Variants in CWC27 observed in about 807,000 individuals in gnomAD.
CWC27 encodes the protein CWC27 spliceosome associated cyclophilin, also known as spliceosome-associated protein CWC27 homolog.
In CWC27, 47 loss-of-function variants were observed where a neutral mutation model predicts 63.6. The ratio of observed to expected loss-of-function variants is 0.74; its 90% CI spans 0.58 to 0.94. The LOEUF (loss-of-function observed/expected upper bound fraction) is 0.94. CWC27 is among the 40% of genes least tolerant of loss of function. CWC27 has a pLI of 0.00. For synonymous variants in CWC27, 175 were observed against 179.8 expected (o/e 0.97, Z 0.22); for missense variants, 495 against 554.3 (o/e 0.89, Z 1.07).
intron 2 of CWC27, among the ~76,000 whole-genome samples, chr5:64,775,933 G>T (rs999180481): frequency 6.6e-6 from 1 of 152,002 alleles, no homozygotes; most frequent in Non-Finnish European, 1.5e-5. Context: ...CAGAAGCAAG[G>T]TGTGAAAGAG....
intron 11 of CWC27, among the ~76,000 whole-genome samples, chr5:64,912,437 G>A (rs1270460522): frequency 1.3e-5 from 2 of 152,104 alleles, no homozygotes; most frequent in Non-Finnish European, 2.9e-5. Flanking sequence ...TTTTTACAAG[G>A]TGTTCAAAGG....
chr5:64,812,685 T>G (rs1158406023), intron 10 of CWC27, among the ~76,000 whole-genome samples: 2 of 152,156 alleles, frequency 1.3e-5, no homozygotes, highest in Non-Finnish European at 2.9e-5. Context: ...AATCATTCTA[T>G]TCTCAAATAT....
chr5:64,981,805 A>G (rs1011871092), intron 13 of CWC27, among the ~76,000 whole-genome samples: 20 of 152,250 alleles, frequency 1.3e-4, no homozygotes, highest in Non-Finnish European at 2.5e-4. Context: ...TCTGTTTTTC[A>G]TAAAACTATA....
At chr5:64,946,789 A>T (rs558356715) in intron 11 of CWC27, among the ~76,000 whole-genome samples, 28 of 151,868 alleles carry the variant, frequency 1.8e-4, no homozygotes, top group African/African-American at 6.8e-4. Context: ...TTGGCATCCT[A>T]GGTTAAAGGT....
intron 7 of CWC27, among the ~76,000 whole-genome samples, chr5:64,792,584 GC>G (rs1199460084): frequency 6.6e-6 from 1 of 151,772 alleles, no homozygotes; most frequent in African/African-American, 2.4e-5. Context: ...CTGTACATTT[GC>G]CTTTTAAACA....
At chr5:64,994,219 G>A (rs1318117928) in intron 13 of CWC27, among the ~76,000 whole-genome samples, 1 of 152,046 alleles carries the variant, frequency 6.6e-6, no homozygotes, top group Non-Finnish European at 1.5e-5. Context: ...CTTTTCCCAA[G>A]AACAGAATCA....
At chr5:64,784,268 A>C (rs1200738310) in intron 4 of CWC27, among the ~76,000 whole-genome samples, 1 of 152,206 alleles carries the variant, frequency 6.6e-6, no homozygotes, top group Non-Finnish European at 1.5e-5. Context: ...CCACTTAGCC[A>C]ATATTGATTT....
At chr5:64,773,933 C>A (rs1743350244) in intron 1 of CWC27, 1 of 151,920 alleles carries the variant, frequency 6.6e-6, no homozygotes, top group African/African-American at 2.4e-5. Context: ...AATCACAAGC[C>A]AGAATTAGAT....
chr5:64,840,866 G>C (rs1355887674), intron 10 of CWC27, among the ~76,000 whole-genome samples: 1 of 152,088 alleles, frequency 6.6e-6, no homozygotes, highest in African/African-American at 2.4e-5. Flanking sequence ...AGGGGTAAGG[G>C]GACTGGATAC....
At chr5:64,891,513 G>A (rs11746657) in intron 11 of CWC27, among the ~76,000 whole-genome samples, 55,343 of 151,938 alleles carry the variant, frequency 0.36, 10,666 homozygotes, top group East Asian at 0.52. Context: ...ATTACATGAA[G>A]AATTTAATCT....
At chr5:64,879,796 A>AG (rs1397529835) in intron 10 of CWC27, among the ~76,000 whole-genome samples, 1 of 151,532 alleles carries the variant, frequency 6.6e-6, no homozygotes, top group Non-Finnish European at 1.5e-5. Context: ...GTTGCAAAAA[A>AG]AAAAAATGGA....
chr5:64,954,090 A>C (rs1448909158), intron 11 of CWC27, among the ~76,000 whole-genome samples: 3 of 152,236 alleles, frequency 2.0e-5, no homozygotes, highest in Non-Finnish European at 4.4e-5. Flanking sequence ...CTGGACATAA[A>C]ATAGTAAATA....
At chr5:64,779,062 A>G (rs893881936) in intron 2 of CWC27, among the ~76,000 whole-genome samples, 14 of 152,220 alleles carry the variant, frequency 9.2e-5, no homozygotes, top group African/African-American at 2.9e-4. Flanking sequence ...CAGTAACTGT[A>G]TCAGTAAAAT....
chr5:64,912,787 T>C (rs1747817877), intron 11 of CWC27, among the ~76,000 whole-genome samples: 2 of 152,136 alleles, frequency 1.3e-5, no homozygotes, highest in Non-Finnish European at 2.9e-5. Flanking sequence ...AAGACTAATC[T>C]AAGAAGAAAT....
rs1399829624 is a variant in CWC27 at position 64,905,902 on chromosome 5, C to T, written c.1042+20356C>T. ...GTCCAAGTGTTCTCATTGTTCAATT[C>T]CCACCTATGAGTGAGAACATGCGGT... On this transcript the variant is annotated intron_variant, in intron 11 of 13. Coordinates refer to ENST00000381070, the MANE Select transcript of CWC27 (RefSeq NM_005869.4). 3.9e-5 allele frequency among the ~76,000 whole-genome samples: 6 copies of T among 152,234 alleles called. No individual in the cohort carries two copies. In the East Asian group the frequency reaches 5.8e-4, roughly 15 times the overall value.
intron 10 of CWC27, among the ~76,000 whole-genome samples, chr5:64,833,535 G>T (rs967765705): frequency 6.6e-6 from 1 of 151,728 alleles, no homozygotes; most frequent in Non-Finnish European, 1.5e-5. Flanking sequence ...TTGCACTTCA[G>T]TGTTAAGTGA....
At chr5:64,822,674 T>C (rs1264967732) in intron 10 of CWC27, among the ~76,000 whole-genome samples, 1 of 152,212 alleles carries the variant, frequency 6.6e-6, no homozygotes, top group Non-Finnish European at 1.5e-5. Context: ...CTCATTTTGC[T>C]TTATTTGTGT....
intron 11 of CWC27, among the ~76,000 whole-genome samples, chr5:64,945,469 A>G (rs760882593): frequency 3.9e-4 from 60 of 152,152 alleles, no homozygotes; most frequent in Non-Finnish European, 7.1e-4. Flanking sequence ...AGTTGCCTAA[A>G]CCACTTCTCC....
At chr5:64,953,951 T>C (rs1748756937) in intron 11 of CWC27, among the ~76,000 whole-genome samples, 1 of 152,202 alleles carries the variant, frequency 6.6e-6, no homozygotes, top group Admixed American at 6.5e-5. Flanking sequence ...CACTCACTCT[T>C]TCAGTTATTT....
Sources: gnomAD v4.1 joint callset for allele counts (sites outside exome capture counted in the v4.1 genomes callset) on GRCh38, gnomAD v4.1.1 for gene constraint, MANE v1.5 for transcripts, NCBI Gene and HGNC (gene_info 2026-07-23, HGNC 2026-07-21) for gene names.